Variants in B3GNT4 observed in about 807,000 individuals in gnomAD.
B3GNT4 encodes the protein N-acetyllactosaminide beta-1,3-N-acetylglucosaminyltransferase 4.
A neutral mutation model predicts 2.7 loss-of-function variants in B3GNT4; 2 were observed. The observed-to-expected ratio is 0.73, with a 90% CI of 0.30 to 2.31. The LOEUF (loss-of-function observed/expected upper bound fraction) is 2.31. Ranked by LOEUF, B3GNT4 falls within the 30% of genes most tolerant of loss-of-function variation. B3GNT4 has a pLI of 0.12. For missense variants in B3GNT4, 708 were observed against 490.9 expected, an observed-to-expected ratio of 1.44 and a Z score of -4.18; for synonymous variants, 280 against 203.4, an observed-to-expected ratio of 1.38 and a Z score of -3.20.
At chr12:122,203,926 C>A (rs1320464736) in intron 1 of B3GNT4, 125 bp downstream of exon 1, 1 of 152,000 alleles carries the variant, frequency 6.6e-6, no homozygotes, top group Admixed American at 6.6e-5. Context: ...AGGGTCCCCG[C>A]GAGGACGCCG....
rs780074814 is a variant in B3GNT4 at position 122,208,414 on chromosome 12, C to T, written c.*1026C>T. On this transcript the variant is annotated 3_prime_UTR_variant, in exon 3 of 3. Transcript: ENST00000324189. ...CACGCAGGTAGGCCTCCTGCTCCGA[C>T]TCAGCCCGCTCCTCCCCTTCCTCCT... 1.2e-6 allele frequency: 2 copies of T among 1,613,342 alleles called. No individual in the cohort carries two copies. Among genetic ancestry groups the T allele is most frequent in the Middle Eastern group, 1.8e-4 (1 of 5,662 alleles).
chr12:122,206,983 A>G lies in B3GNT4; in HGVS notation c.732A>G (p.Gly244=). 1 of 1,613,950 alleles carries G rather than the reference A, an allele frequency of 6.2e-7. No homozygotes were observed. The highest frequency in any genetic ancestry group is 8.5e-7 in the Non-Finnish European group (1 of 1,179,940). ...ACCCAGCCCAGGACCTCCTGGTGGG[A>G]GATGTCATCCGCCAAGCCCTGCCCA... ...GWDPAQDLLV[G]DVIRQALPNR... Residue 244 remains glycine (G), a synonymous_variant, in exon 3 of 3, where the codon GGA becomes GGG. Coordinates refer to ENST00000324189, the MANE Select transcript of B3GNT4 (RefSeq NM_030765.4).
chr12:122,204,573 C>CGCA lies in B3GNT4; in HGVS notation c.-44_-43insAGC, dbSNP rs2136071427. 6.4e-7 allele frequency: 1 copy of CGCA among 1,553,078 alleles called. No homozygotes were observed. The highest frequency in any genetic ancestry group is 8.9e-7 in the Non-Finnish European group (1 of 1,129,564). On this transcript the variant is annotated 5_prime_UTR_variant, in exon 2 of 3. Transcript: ENST00000324189. ...CATCTCGCTTCGACCCCGCCGCCGCCGCCGCCCGGCATCCTGAGCACGGAG... is the reference window on the plus strand; with the variant it reads ...CATCTCGCTTCGACCCCGCCGCCGCCGCAGCCGCCCGGCATCCTGAGCACGGAG...
In B3GNT4 at chr12:122,207,611, CGGGCGCTGCCTG is replaced by C. The variant is rs530101437; in HGVS notation, c.*233_*244del. The C allele has an allele frequency of 1.2e-4, 77 of 629,608 alleles. No individual in the cohort carries two copies. The highest frequency in any genetic ancestry group is 5.3e-4 in the African/African-American group (29 of 54,564). The allele number at this position is 629,608 out of a possible 1,614,324, so 39.0% of individuals were successfully genotyped here. On this transcript the variant is annotated 3_prime_UTR_variant, in exon 3 of 3. Coordinates refer to ENST00000324189, the MANE Select transcript of B3GNT4 (RefSeq NM_030765.4). ...CTGCCAGGAACCTGTCGGGGCATTC[CGGGCGCTGCCTG>C]GGGCGCTGCAGTCTGGGACCTCAAG...
At chr12:122,204,492 C>A in intron 1 of B3GNT4, 30 bp from the exon 2 acceptor site, 1 of 818,708 alleles carries the variant, frequency 1.2e-6, no homozygotes, top group Non-Finnish European at 2.0e-6. Flanking sequence ...GTGAATGGCA[C>A]CGCCGCCCGC....
Position 122,204,562 on chromosome 12 carries a change from C to G in B3GNT4, c.-57C>G, listed in dbSNP as rs372784600. 0.025 allele frequency: 35,497 copies of G among 1,436,964 alleles called. 585 individuals are homozygous for G. Among genetic ancestry groups the G allele is most frequent in the South Asian group, 0.044 (3,807 of 86,754 alleles). 89.0% of individuals were successfully genotyped at this position (1,436,964 alleles called of 1,614,324 possible). ...CACCTGAGACTCATCTCGCTTCGAC[C>G]CCGCCGCCGCCGCCGCCCGGCATCC... On this transcript the variant is annotated 5_prime_UTR_variant, in exon 2 of 3. Coordinates refer to ENST00000324189, the MANE Select transcript of B3GNT4 (RefSeq NM_030765.4).
At position 122,207,246 on chromosome 12, in the gene B3GNT4, G is replaced by T; in HGVS notation, c.995G>T (p.Arg332Leu). The change falls in exon 3 of 3, where the codon CGG (arginine) becomes CTG (leucine). Residue 332 changes from arginine (R) to leucine (L), a missense_variant. Transcript: ENST00000324189. The stretch of plus-strand genomic sequence containing the variant: ...GGCTTCAAGACATTTGGAATCCGGC[G>T]GCCCCTGGACCCCTTAGACCCCTGC... ...HAGFKTFGIR[R>L]PLDPLDPCLY... 1 of 1,614,098 alleles carries T rather than the reference G, an allele frequency of 6.2e-7. No homozygotes were observed. Among genetic ancestry groups the T allele is most frequent in the Admixed American group, 1.7e-5 (1 of 60,014 alleles).
Position 122,204,560 on chromosome 12 carries a change from A to C in B3GNT4, c.-59A>C. On this transcript the variant is annotated 5_prime_UTR_variant, in exon 2 of 3. Transcript: ENST00000324189. ...CACACCTGAGACTCATCTCGCTTCG[A>C]CCCCGCCGCCGCCGCCGCCCGGCAT... is the stretch of plus-strand genomic sequence containing the variant. 2 of 1,216,494 alleles carry C rather than the reference A, an allele frequency of 1.6e-6. No individual in the cohort carries two copies. The highest frequency in any genetic ancestry group is 2.4e-6 in the Non-Finnish European group (2 of 834,848). 75.4% of individuals were successfully genotyped at this position (1,216,494 alleles called of 1,614,324 possible).
In B3GNT4 at chr12:122,207,427, T is replaced by C; in HGVS notation, c.*39T>C. On this transcript the variant is annotated 3_prime_UTR_variant, in exon 3 of 3. Transcript: ENST00000324189. ...CAACAGCCTGAGAGTGGACTCAGTG[T>C]TGATTCTCTATCGTGATGCGAAATT... 6.7e-7 allele frequency: 1 copy of C among 1,494,792 alleles called. No individual in the cohort carries two copies. The allele number at this position is 1,494,792 out of a possible 1,614,324, so 92.6% of individuals were successfully genotyped here.
chr12:122,208,752 A>C lies in B3GNT4; in HGVS notation c.*1364A>C, dbSNP rs1260215908. The C allele has an allele frequency of 2.8e-6, 2 of 720,168 alleles. No individual in the cohort carries two copies. Among genetic ancestry groups the C allele is most frequent in the Non-Finnish European group, 5.0e-6 (2 of 403,742 alleles). The allele number at this position is 720,168 out of a possible 1,614,324, so 44.6% of individuals were successfully genotyped here. A position where few individuals can be genotyped will look rare whatever the true frequency, so the allele number is the denominator to read the frequency against. ...CTTCCACCTCTATGTTCAGGTCTGG[A>C]TTTAACTGACACTCTGTCAAAAACA... On this transcript the variant is annotated 3_prime_UTR_variant, in exon 3 of 3. Coordinates refer to ENST00000324189, the MANE Select transcript of B3GNT4 (RefSeq NM_030765.4).
rs1006474965 is a variant in B3GNT4, at chr12:122,207,752, A to G, written c.*364A>G. 2.1e-6 allele frequency: 1 copy of G among 484,328 alleles called. No individual in the cohort carries two copies. The highest frequency in any genetic ancestry group is 2.3e-5 in the Admixed American group (1 of 43,424). The allele number at this position is 484,328 out of a possible 1,614,324, so 30.0% of individuals were successfully genotyped here. ...GGATACAATAGAGAAACGGAAAGAA[A>G]GGAAGGAACAAGAGGCCTGTGTTAA... On this transcript the variant is annotated 3_prime_UTR_variant, in exon 3 of 3. Transcript: ENST00000324189.
In B3GNT4 at chr12:122,206,506, C is replaced by T; in HGVS notation, c.255C>T (p.Ala85=). ...CACCCAACCACACAGTGTCTAGCGC[C>T]TCTCTGTCCCTGCCTAGCCGTCACC... ...RCPPNHTVSS[A]SLSLPSRHRL... is the part of the protein sequence containing the mutation. Residue 85 remains alanine, a synonymous_variant, in exon 3 of 3, where the codon GCC becomes GCT. Transcript: ENST00000324189. 3 of 1,614,090 alleles carry T rather than the reference C, an allele frequency of 1.9e-6. No homozygotes were observed. Among genetic ancestry groups the T allele is most frequent in the Non-Finnish European group, 8.5e-7 (1 of 1,179,924 alleles).
Position 122,208,675 on chromosome 12 carries a change from C to A in B3GNT4, c.*1287C>A. 1 of 1,248,760 alleles carries A rather than the reference C, an allele frequency of 8.0e-7. No homozygotes were observed. Among genetic ancestry groups the A allele is most frequent in the Non-Finnish European group, 1.1e-6 (1 of 880,204 alleles). The allele number at this position is 1,248,760 out of a possible 1,614,324, so 77.4% of individuals were successfully genotyped here. A position where few individuals can be genotyped will look rare whatever the true frequency, so the allele number is the denominator to read the frequency against. On this transcript the variant is annotated 3_prime_UTR_variant, in exon 3 of 3. Transcript: ENST00000324189. ...GGGTGCTGTGGCTGTCATCTGAACCCCTCTTGGGGTCACTTTCCTTGACCT... is the reference window on the plus strand; with the variant it reads ...GGGTGCTGTGGCTGTCATCTGAACCACTCTTGGGGTCACTTTCCTTGACCT...
At position 122,206,963 on chromosome 12, in the gene B3GNT4, G is replaced by A. The variant is rs751887736; in HGVS notation, c.712G>A (p.Ala238Thr). 2 of 1,613,920 alleles carry A rather than the reference G, an allele frequency of 1.2e-6. No homozygotes were observed. The highest frequency in any genetic ancestry group is 1.1e-5 in the South Asian group (1 of 91,090). Residue 238 changes from alanine to threonine, a missense_variant, in exon 3 of 3, where the codon GCC becomes ACC. By Grantham distance (58) the Ala-to-Thr change is moderately conservative. Coordinates refer to ENST00000324189, the MANE Select transcript of B3GNT4 (RefSeq NM_030765.4). ...VLEFLDGWDP[A>T]QDLLVGDVIR... ...AGAGTTCCTGGATGGCTGGGACCCA[G>A]CCCAGGACCTCCTGGTGGGAGATGT...
rs200448613 is a variant in B3GNT4 at position 122,206,921 on chromosome 12, C to A, written c.670C>A (p.His224Asn). The stretch of plus-strand genomic sequence containing the variant: ...AAAGGGAGATGACGATGTCTTTGTC[C>A]ACGTCCCCAACGTGTTAGAGTTCCT... ...MLKGDDDVFV[H>N]VPNVLEFLDG... Residue 224 changes from histidine (H) to asparagine (N), a missense_variant, in exon 3 of 3, where the codon CAC becomes AAC. Coordinates refer to ENST00000324189, the MANE Select transcript of B3GNT4 (RefSeq NM_030765.4). 1.4e-4 allele frequency: 231 copies of A among 1,614,086 alleles called. No individual in the cohort carries two copies. In the Admixed American group the frequency reaches 3.8e-3, roughly 26 times the overall value.
rs1408052663 is a variant in B3GNT4 at position 122,208,674 on chromosome 12, C to T, written c.*1286C>T. 2 of 1,276,364 alleles carry T rather than the reference C, an allele frequency of 1.6e-6. No individual in the cohort carries two copies. The highest frequency in any genetic ancestry group is 2.5e-5 in the East Asian group (1 of 40,346). The allele number at this position is 1,276,364 out of a possible 1,614,324, so 79.1% of individuals were successfully genotyped here. A position where few individuals can be genotyped will look rare whatever the true frequency, so the allele number is the denominator to read the frequency against. On this transcript the variant is annotated 3_prime_UTR_variant, in exon 3 of 3. Coordinates refer to ENST00000324189, the MANE Select transcript of B3GNT4 (RefSeq NM_030765.4). ...GGGGTGCTGTGGCTGTCATCTGAAC[C>T]CCTCTTGGGGTCACTTTCCTTGACC...
At chr12:122,205,358 G>C (rs1266265134) in intron 2 of B3GNT4, 2 of 152,430 alleles carry the variant, frequency 1.3e-5, no homozygotes, top group African/African-American at 4.8e-5. Context: ...AGAGGGCAGC[G>C]ACCCTGTCTT....
rs1378929683 is a variant in B3GNT4 at position 122,206,897 on chromosome 12, A to T, written c.646A>T (p.Lys216Ter). The T allele has an allele frequency of 5.0e-6, 8 of 1,613,898 alleles. No individual in the cohort carries two copies. The African/African-American group carries it at 9.3e-5, about 19-fold the overall frequency. The change falls in exon 3 of 3, where the codon AAG becomes TAG. Residue 216 changes from lysine to a stop codon, truncating the protein, a stop_gained. Coordinates refer to ENST00000324189, the MANE Select transcript of B3GNT4 (RefSeq NM_030765.4). LOFTEE classifies it low-confidence loss of function (END_TRUNC). ...CTGCCCCCAGGCCCATTTCATGCTA[A>T]AGGGAGATGACGATGTCTTTGTCCA... ...AACPQAHFML[K>*]GDDDVFVHVP...
Position 122,204,595 on chromosome 12 carries a change from G to T in B3GNT4, c.-24G>T. 1 of 1,597,672 alleles carries T rather than the reference G, an allele frequency of 6.3e-7. No homozygotes were observed. Among genetic ancestry groups the T allele is most frequent in the African/African-American group, 1.3e-5 (1 of 74,772 alleles). On this transcript the variant is annotated 5_prime_UTR_variant, in exon 2 of 3. Transcript: ENST00000324189. The stretch of plus-strand genomic sequence containing the variant: ...CGCCGCCGCCCGGCATCCTGAGCAC[G>T]GAGACAGTCTCCAGCTGCCGTTCAT...
Sources: allele counts gnomAD v4.1 joint callset, GRCh38; gene constraint gnomAD v4.1.1; transcripts MANE v1.5; gene names NCBI Gene and HGNC (gene_info 2026-07-23, HGNC 2026-07-21).